DPP10: variants seen among roughly 807,000 people sequenced by gnomAD.
The protein encoded by DPP10 is dipeptidyl peptidase like 10, also known as inactive dipeptidyl peptidase 10.
In DPP10, 33 loss-of-function variants were observed where a neutral mutation model predicts 120.9. That is an observed-to-expected ratio of 0.27 (90% CI 0.21 to 0.37). The LOEUF is 0.37. Among genes scored for constraint, DPP10 ranks in the 10% least tolerant of loss-of-function variants. DPP10 has a pLI of 1.00. For missense variants in DPP10, 816 were observed against 942.8 expected (o/e 0.87, Z 1.76); for synonymous variants, 337 against 326.1 (o/e 1.03, Z -0.36).
At chr2:115,291,206 G>A (rs2060640637) in intron 1 of DPP10, among the ~76,000 whole-genome samples, 2 of 151,978 alleles carry the variant, frequency 1.3e-5, no homozygotes, top group African/African-American at 4.8e-5. Context: ...ATCTCCCTGT[G>A]TTTCCCAGGC....
chr2:115,278,265 A>G, intron 1 of DPP10, among the ~76,000 whole-genome samples: 1 of 152,176 alleles, frequency 6.6e-6, no homozygotes, highest in Non-Finnish European at 1.5e-5. Flanking sequence ...TTCTTGCTAC[A>G]CAAACTTACA....
chr2:115,699,054 A>G (rs553163485), intron 7 of DPP10, among the ~76,000 whole-genome samples: 75 of 142,538 alleles, frequency 5.3e-4, no homozygotes, highest in Non-Finnish European at 9.4e-4. Context: ...AAAAAACAAG[A>G]GAAGACTCAA....
chr2:115,841,884 G>T (rs1690187023), intron 25 of DPP10, among the ~76,000 whole-genome samples: 1 of 152,164 alleles, frequency 6.6e-6, no homozygotes, highest in African/African-American at 2.4e-5. Context: ...CTCCTAAAAA[G>T]GGGAGGAGAG....
rs141186898 is a variant in DPP10 at position 115,397,597 on chromosome 2, A to G, written c.271+53685A>G. 4.7e-3 allele frequency among the ~76,000 whole-genome samples: 714 copies of G among 152,288 alleles called. 2 individuals carry two copies. Among genetic ancestry groups the G allele is most frequent in the Non-Finnish European group, 8.2e-3 (559 of 68,016 alleles). On this transcript the variant is annotated intron_variant, in intron 3 of 25. Transcript: ENST00000410059. ...AGCATGATTAGGAAAACTGCATACA[A>G]GTAGTCTTACTAAATACAAGTTGTA...
intron 1 of DPP10, among the ~76,000 whole-genome samples, chr2:114,872,586 C>T (rs1280342603): frequency 6.6e-6 from 1 of 152,202 alleles, no homozygotes; most frequent in African/African-American, 2.4e-5. Flanking sequence ...TGTATAGCTA[C>T]ATCTCATGGC....
chr2:115,555,983 T>C (rs909404481), intron 5 of DPP10, among the ~76,000 whole-genome samples: 5 of 152,140 alleles, frequency 3.3e-5, no homozygotes, highest in Non-Finnish European at 5.9e-5. Flanking sequence ...TGTGTGTGTT[T>C]TCAAGTCATT....
At chr2:115,841,149 T>C (rs1013812481) in intron 25 of DPP10, among the ~76,000 whole-genome samples, 2 of 152,046 alleles carry the variant, frequency 1.3e-5, no homozygotes, top group Non-Finnish European at 2.9e-5. Flanking sequence ...TGTTCCTTTC[T>C]TCCTTTTCTT....
intron 1 of DPP10, among the ~76,000 whole-genome samples, chr2:114,914,938 C>T (rs929697088): frequency 3.3e-5 from 5 of 151,856 alleles, no homozygotes; most frequent in Non-Finnish European, 5.9e-5. Flanking sequence ...GAGACCATCC[C>T]GGCTAAAACG....
chr2:114,467,830 C>T (rs1414911038), intron 1 of DPP10, among the ~76,000 whole-genome samples: 6 of 149,424 alleles, frequency 4.0e-5, no homozygotes, highest in Admixed American at 3.3e-4. Flanking sequence ...GAGACCCCAT[C>T]TCTACAAAAC....
intron 1 of DPP10, among the ~76,000 whole-genome samples, chr2:115,087,548 T>C (rs1708824418): frequency 6.9e-6 from 1 of 144,034 alleles, no homozygotes; most frequent in Non-Finnish European, 1.5e-5. Flanking sequence ...CTTTTTTTTT[T>C]TTTTTTTTGA....
intron 1 of DPP10, among the ~76,000 whole-genome samples, chr2:115,022,617 C>T (rs932644878): frequency 5.9e-5 from 9 of 151,854 alleles, no homozygotes; most frequent in Non-Finnish European, 8.8e-5. Context: ...ATCAAAATAC[C>T]ACCATCGTTC....
intron 3 of DPP10, among the ~76,000 whole-genome samples, chr2:115,359,151 T>C (rs1243577813): frequency 6.6e-6 from 1 of 152,196 alleles, no homozygotes; most frequent in Non-Finnish European, 1.5e-5. Flanking sequence ...AATAGTGATA[T>C]GTGAGAATTT....
intron 5 of DPP10, among the ~76,000 whole-genome samples, chr2:115,644,306 T>TC (rs947057234): frequency 2.0e-5 from 3 of 151,954 alleles, no homozygotes; most frequent in African/African-American, 4.8e-5. Flanking sequence ...ATGCTATCCC[T>TC]CCCCCCTCCG....
chr2:115,137,749 C>A (rs941129087), intron 1 of DPP10, among the ~76,000 whole-genome samples: 9 of 152,184 alleles, frequency 5.9e-5, no homozygotes, highest in Non-Finnish European at 5.9e-5. Context: ...GGCCTATCAA[C>A]GGACAGAAGG....
At chr2:115,286,542 A>AAT (rs2060411333) in intron 1 of DPP10, among the ~76,000 whole-genome samples, 1 of 66,264 alleles carries the variant, frequency 1.5e-5, no homozygotes, top group Non-Finnish European at 3.6e-5. Flanking sequence ...TATATATATA[A>AAT]AATATATACA....
At chr2:114,930,102 G>A (rs1458680084) in intron 1 of DPP10, among the ~76,000 whole-genome samples, 1 of 152,042 alleles carries the variant, frequency 6.6e-6, no homozygotes, top group Non-Finnish European at 1.5e-5. Flanking sequence ...TGTGATGTGG[G>A]GGCAGCCTCA....
intron 8 of DPP10, among the ~76,000 whole-genome samples, chr2:115,731,265 G>A (rs549751906): frequency 6.0e-4 from 92 of 152,168 alleles, no homozygotes; most frequent in African/African-American, 2.2e-3. Context: ...GGCTGAGGCA[G>A]GAAAATCGCT....
intron 1 of DPP10, among the ~76,000 whole-genome samples, chr2:114,912,139 C>T (rs1265920751): frequency 6.6e-6 from 1 of 151,022 alleles, no homozygotes; most frequent in Non-Finnish European, 1.5e-5. Flanking sequence ...TTTGCACTCA[C>T]ACACACACAC....
intron 1 of DPP10, among the ~76,000 whole-genome samples, chr2:114,519,136 G>C (rs1684844334): frequency 6.6e-6 from 1 of 152,168 alleles, no homozygotes; most frequent in African/African-American, 2.4e-5. Context: ...TAGCGAAAAG[G>C]AAAAATCTCT....
Sources: gnomAD v4.1 joint callset for allele counts (sites outside exome capture counted in the v4.1 genomes callset) on GRCh38, gnomAD v4.1.1 for gene constraint, MANE v1.5 for transcripts, NCBI Gene and HGNC (gene_info 2026-07-23, HGNC 2026-07-21) for gene names.